AGBL1: variants seen among roughly 807,000 people sequenced by gnomAD.
AGBL1 encodes the protein cytosolic carboxypeptidase 4.
AGBL1 carries 130 observed loss-of-function variants against 118.9 expected under a neutral mutation model. The observed-to-expected ratio is 1.09, with a 90% CI of 0.95 to 1.26. The LOEUF is 1.26. AGBL1 is among the 50% of genes most tolerant of loss of function. The probability of loss-of-function intolerance (pLI) is 0.00; values close to 1 mark genes in which losing one functional copy is unlikely to be tolerated. For synonymous variants in AGBL1, 555 were observed against 478.9 expected (o/e 1.16, Z -2.08); for missense variants, 1,584 against 1,298.1 (o/e 1.22, Z -3.38).
chr15:86,438,215 T>C (rs1428602346), intron 18 of AGBL1, among the ~76,000 whole-genome samples: 1 of 152,072 alleles, frequency 6.6e-6, no homozygotes, highest in African/African-American at 2.4e-5. Context: ...CAAGCCTCAG[T>C]TTTTTTATAA....
chr15:86,955,340 T>C (rs2080918759), intron 23 of AGBL1, among the ~76,000 whole-genome samples: 1 of 151,836 alleles, frequency 6.6e-6, no homozygotes, highest in South Asian at 2.1e-4. Flanking sequence ...TTAAAATGAG[T>C]GGGTTGCTAA....
At chr15:86,837,123 C>T (rs2079180387) in intron 22 of AGBL1, among the ~76,000 whole-genome samples, 1 of 151,814 alleles carries the variant, frequency 6.6e-6, no homozygotes, top group South Asian at 2.1e-4. Context: ...ACTAAATATT[C>T]TTAGCGCATT....
intron 21 of AGBL1, among the ~76,000 whole-genome samples, chr15:86,567,866 C>A (rs968669791): frequency 2.6e-5 from 4 of 151,780 alleles, no homozygotes; most frequent in African/African-American, 7.3e-5. Context: ...TTCAAGTGTC[C>A]CCGGACATTC....
chr15:86,685,786 C>G (rs1049164547), intron 22 of AGBL1, among the ~76,000 whole-genome samples: 1 of 152,094 alleles, frequency 6.6e-6, no homozygotes, highest in African/African-American at 2.4e-5. Flanking sequence ...AAAGCTTTTT[C>G]TCTTTTATTT....
intron 5 of AGBL1, among the ~76,000 whole-genome samples, chr15:86,185,768 C>A (rs1204872431): frequency 1.8e-5 from 2 of 108,390 alleles, no homozygotes; most frequent in Admixed American, 1.1e-4. Context: ...GGGTGGGGGG[C>A]TGGGGGAGGG....
At chr15:86,987,758 T>G (rs539802544) in intron 23 of AGBL1, among the ~76,000 whole-genome samples, 5 of 152,300 alleles carry the variant, frequency 3.3e-5, no homozygotes, top group Admixed American at 3.3e-4. Context: ...TTTTATCAGA[T>G]TCTTAGACCA....
intron 17 of AGBL1, among the ~76,000 whole-genome samples, chr15:86,396,875 C>T (rs1202856757): frequency 6.6e-6 from 1 of 152,164 alleles, no homozygotes; most frequent in African/African-American, 2.4e-5. Flanking sequence ...AGATTTGTGA[C>T]ATCTAGCATC....
At chr15:86,245,988 T>C (rs933453181) in intron 6 of AGBL1, among the ~76,000 whole-genome samples, 12 of 152,148 alleles carry the variant, frequency 7.9e-5, no homozygotes, top group Non-Finnish European at 1.6e-4. Context: ...TGGGCTCAAG[T>C]GATTCTCCTG....
intron 5 of AGBL1, among the ~76,000 whole-genome samples, chr15:86,197,637 A>T (rs1307835714): frequency 6.6e-6 from 1 of 152,228 alleles, no homozygotes; most frequent in Non-Finnish European, 1.5e-5. Context: ...TGTTAAGCAA[A>T]AAGGAACTAG....
chr15:86,146,717 C>T (rs1457934482), intron 3 of AGBL1, among the ~76,000 whole-genome samples: 1 of 152,172 alleles, frequency 6.6e-6, no homozygotes, highest in Admixed American at 6.5e-5. Context: ...GTCCTTGACA[C>T]TGACATTCAA....
chr15:86,696,095 G>A (rs1464244025), intron 22 of AGBL1, among the ~76,000 whole-genome samples: 1 of 151,938 alleles, frequency 6.6e-6, no homozygotes, highest in African/African-American at 2.4e-5. Flanking sequence ...CATCTATCAG[G>A]TTCATTTGTT....
At chr15:86,976,004 A>G (rs963509783) in intron 23 of AGBL1, among the ~76,000 whole-genome samples, 1 of 152,186 alleles carries the variant, frequency 6.6e-6, no homozygotes, top group Non-Finnish European at 1.5e-5. Flanking sequence ...GTGAATGAAT[A>G]ACTGAGTAAA....
intron 6 of AGBL1, among the ~76,000 whole-genome samples, chr15:86,234,253 C>T (rs866419937): frequency 2.0e-5 from 3 of 151,902 alleles, no homozygotes; most frequent in Non-Finnish European, 2.9e-5. Flanking sequence ...ACTCTTACTC[C>T]GAAAGAGTAA....
intron 22 of AGBL1, among the ~76,000 whole-genome samples, chr15:86,800,078 A>G (rs943316969): frequency 1.3e-5 from 2 of 152,094 alleles, no homozygotes; most frequent in Non-Finnish European, 2.9e-5. Context: ...AGCCAATATC[A>G]TGCTTGTTTA....
intron 17 of AGBL1, among the ~76,000 whole-genome samples, chr15:86,322,834 A>G (rs987804534): frequency 2.1e-4 from 32 of 152,334 alleles, no homozygotes; most frequent in Non-Finnish European, 4.0e-4. Flanking sequence ...TTCCCAGAGT[A>G]GCACTGGAGC....
At chr15:86,970,502 G>C (rs188474442) in intron 23 of AGBL1, among the ~76,000 whole-genome samples, 1 of 151,936 alleles carries the variant, frequency 6.6e-6, no homozygotes, top group Admixed American at 6.6e-5. Context: ...CAGGCTCAAC[G>C]ACGTTGAGCT....
intron 22 of AGBL1, among the ~76,000 whole-genome samples, chr15:86,692,483 G>C (rs868395903): frequency 2.0e-5 from 3 of 152,098 alleles, no homozygotes; most frequent in Non-Finnish European, 1.5e-5. Context: ...TACCCACCAG[G>C]AACTGCAGCC....
intron 18 of AGBL1, among the ~76,000 whole-genome samples, chr15:86,447,538 C>G (rs2082136772): frequency 6.6e-6 from 1 of 152,174 alleles, no homozygotes; most frequent in Non-Finnish European, 1.5e-5. Flanking sequence ...TCAGCAACAT[C>G]AGTCAAAGTG....
chr15:86,316,332 T>A (rs1372569617), intron 17 of AGBL1, among the ~76,000 whole-genome samples: 1 of 152,174 alleles, frequency 6.6e-6, no homozygotes, highest in Non-Finnish European at 1.5e-5. Flanking sequence ...TGTGCTTGAT[T>A]CATTTTTTCT....
Sources: allele counts gnomAD v4.1 joint callset (sites outside exome capture counted in the v4.1 genomes callset), GRCh38; gene constraint gnomAD v4.1.1; transcripts MANE v1.5; gene names NCBI Gene and HGNC (gene_info 2026-07-23, HGNC 2026-07-21).